CTNNA3: variants seen among roughly 807,000 people sequenced by gnomAD.
CTNNA3 encodes catenin alpha-3.
Under a neutral mutation model 95.7 loss-of-function variants are expected in CTNNA3, and 76 were observed. That is an observed-to-expected ratio of 0.79 (90% CI 0.66 to 0.96). CTNNA3 has a LOEUF of 0.96. Among genes scored for constraint, CTNNA3 ranks in the 40% least tolerant of loss-of-function variants. The probability of loss-of-function intolerance (pLI) is 0.00; values close to 1 mark genes in which losing one functional copy is unlikely to be tolerated. For missense variants in CTNNA3, 1,191 were observed against 1,089.8 expected (o/e 1.09, Z -1.31); for synonymous variants, 431 against 374.4 (o/e 1.15, Z -1.74).
At chr10:67,469,329 G>A (rs989285351) in intron 5 of CTNNA3, among the ~76,000 whole-genome samples, 1 of 152,088 alleles carries the variant, frequency 6.6e-6, no homozygotes, top group African/African-American at 2.4e-5. Context: ...TCTTATGAAG[G>A]ACACATAAAT....
At chr10:66,857,049 TA>T (rs1156266470) in intron 7 of CTNNA3, among the ~76,000 whole-genome samples, 1 of 152,142 alleles carries the variant, frequency 6.6e-6, no homozygotes, top group East Asian at 1.9e-4. Flanking sequence ...GTTTTCCATT[TA>T]AGTCTTAATC....
intron 12 of CTNNA3, among the ~76,000 whole-genome samples, chr10:66,361,989 A>AT (rs1275911401): frequency 6.6e-6 from 1 of 152,084 alleles, no homozygotes; most frequent in African/African-American, 2.4e-5. Context: ...AGCCTTTGTA[A>AT]TATCAGAAAA....
chr10:66,322,030 T>C (rs1295534723), intron 12 of CTNNA3, among the ~76,000 whole-genome samples: 1 of 152,058 alleles, frequency 6.6e-6, no homozygotes, highest in Non-Finnish European at 1.5e-5. Context: ...TGGGTGAAAA[T>C]GACAGTGGCT....
chr10:67,641,074 C>T (rs1367697728), intron 2 of CTNNA3, among the ~76,000 whole-genome samples: 1 of 152,062 alleles, frequency 6.6e-6, no homozygotes, highest in Non-Finnish European at 1.5e-5. Flanking sequence ...AGGCAACCTA[C>T]AGAATGGGAG....
intron 7 of CTNNA3, among the ~76,000 whole-genome samples, chr10:67,080,737 A>G (rs1446200591): frequency 6.6e-6 from 1 of 151,884 alleles, no homozygotes; most frequent in African/African-American, 2.4e-5. Flanking sequence ...GTGAAACCCC[A>G]TCTCTACTAA....
intron 9 of CTNNA3, among the ~76,000 whole-genome samples, chr10:66,737,766 T>C (rs1409486571): frequency 6.6e-6 from 1 of 152,078 alleles, no homozygotes; most frequent in East Asian, 1.9e-4. Context: ...TTCAAGTGAT[T>C]CTCCTGCCTC....
chr10:66,280,909 T>C (rs1016117138), intron 12 of CTNNA3, among the ~76,000 whole-genome samples: 18 of 151,888 alleles, frequency 1.2e-4, no homozygotes, highest in African/African-American at 3.9e-4. Context: ...TTCTCCTTTA[T>C]ATCATCTTTG....
chr10:66,815,315 C>T (rs971593010), intron 7 of CTNNA3, among the ~76,000 whole-genome samples: 5 of 152,022 alleles, frequency 3.3e-5, no homozygotes, highest in Non-Finnish European at 5.9e-5. Context: ...TTCCTATTCC[C>T]ATCCCCTCCC....
intron 1 of CTNNA3, among the ~76,000 whole-genome samples, chr10:67,752,976 A>C (rs1040629875): frequency 2.2e-4 from 33 of 152,174 alleles, no homozygotes; most frequent in Non-Finnish European, 3.8e-4. Context: ...AACTACTTTA[A>C]AATTCTTATG....
At chr10:65,949,628 T>C (rs2077577295) in intron 17 of CTNNA3, among the ~76,000 whole-genome samples, 1 of 152,140 alleles carries the variant, frequency 6.6e-6, no homozygotes, top group Non-Finnish European at 1.5e-5. Flanking sequence ...TTAATCTAAG[T>C]CTGAGACTAG....
At chr10:67,465,285 T>C (rs1455171735) in intron 5 of CTNNA3, among the ~76,000 whole-genome samples, 1 of 152,032 alleles carries the variant, frequency 6.6e-6, no homozygotes, top group Non-Finnish European at 1.5e-5. Context: ...AACAAAACCA[T>C]TTTCAGCCTT....
intron 2 of CTNNA3, among the ~76,000 whole-genome samples, chr10:67,611,608 G>T (rs548503252): frequency 1.3e-5 from 2 of 152,094 alleles, no homozygotes; most frequent in African/African-American, 2.4e-5. Context: ...GAGCCACTGC[G>T]CCTGGCCGTG....
intron 6 of CTNNA3, among the ~76,000 whole-genome samples, chr10:67,216,479 G>T (rs1347950950): frequency 6.6e-6 from 1 of 152,080 alleles, no homozygotes; most frequent in Non-Finnish European, 1.5e-5. Flanking sequence ...AGGAAAAAAT[G>T]CTTTTCACTG....
chr10:66,221,447 T>A (rs1398296817), intron 13 of CTNNA3, among the ~76,000 whole-genome samples: 2 of 152,058 alleles, frequency 1.3e-5, no homozygotes, highest in African/African-American at 2.4e-5. Flanking sequence ...CAGAAAAAAA[T>A]AAGCTTCTTA....
At chr10:67,517,127 T>C (rs889715714) in intron 5 of CTNNA3, among the ~76,000 whole-genome samples, 1 of 152,172 alleles carries the variant, frequency 6.6e-6, no homozygotes, top group African/African-American at 2.4e-5. Context: ...AAAAGTAAGA[T>C]TGATAGGTCT....
intron 1 of CTNNA3, among the ~76,000 whole-genome samples, chr10:67,756,733 G>A (rs567080865): frequency 2.9e-4 from 44 of 152,194 alleles, no homozygotes; most frequent in African/African-American, 9.9e-4. Flanking sequence ...TTCCTCTTGG[G>A]CTGATAAAAA....
intron 11 of CTNNA3, among the ~76,000 whole-genome samples, chr10:66,449,267 G>A (rs1233630106): frequency 6.6e-6 from 1 of 152,050 alleles, no homozygotes; most frequent in African/African-American, 2.4e-5. Flanking sequence ...AAAAATCACT[G>A]AAAACTGCAT....
intron 1 of CTNNA3, among the ~76,000 whole-genome samples, chr10:67,755,995 A>G (rs1306870696): frequency 6.6e-6 from 1 of 152,144 alleles, no homozygotes; most frequent in East Asian, 1.9e-4. Flanking sequence ...AAAGAATGAA[A>G]TCCTCTCATT....
chr10:67,183,101 C>G (rs533437926), intron 6 of CTNNA3, among the ~76,000 whole-genome samples: 2 of 152,278 alleles, frequency 1.3e-5, no homozygotes, highest in Non-Finnish European at 2.9e-5. Flanking sequence ...GAACTGTAAA[C>G]TAGTTCAACC....
Sources: gnomAD v4.1 joint callset for allele counts (sites outside exome capture counted in the v4.1 genomes callset) on GRCh38, gnomAD v4.1.1 for gene constraint, MANE v1.5 for transcripts, NCBI Gene and HGNC (gene_info 2026-07-23, HGNC 2026-07-21) for gene names.